Variants in CARNMT1 observed in about 807,000 individuals in gnomAD.
The protein encoded by CARNMT1 is carnosine N-methyltransferase 1.
CARNMT1 carries 28 observed loss-of-function variants against 49.6 expected under a neutral mutation model. That is an observed-to-expected ratio of 0.56 (90% CI 0.42 to 0.77). The LOEUF (loss-of-function observed/expected upper bound fraction) is 0.77. Ranked by LOEUF, CARNMT1 falls within the 30% of genes least tolerant of loss-of-function variation. The probability of loss-of-function intolerance (pLI) is 0.00; values close to 1 mark genes in which losing one functional copy is unlikely to be tolerated. For missense variants in CARNMT1, 421 were observed against 512.6 expected, an observed-to-expected ratio of 0.82 and a Z score of 1.73; for synonymous variants, 178 against 175.0, an observed-to-expected ratio of 1.02 and a Z score of -0.13.
intron 1 of CARNMT1, among the ~76,000 whole-genome samples, chr9:75,017,745 T>G (rs1256057714): frequency 6.6e-6 from 1 of 152,222 alleles, no homozygotes; most frequent in Non-Finnish European, 1.5e-5. Context: ...TATTTTTGTG[T>G]TTTAAACTTA....
At chr9:75,015,295 A>T (rs140412166) in intron 3 of CARNMT1, among the ~76,000 whole-genome samples, 1 of 152,208 alleles carries the variant, frequency 6.6e-6, no homozygotes, top group African/African-American at 2.4e-5. Flanking sequence ...CATTAGCTGA[A>T]GTTCTCAAAA....
intron 5 of CARNMT1, 39 bp from the exon 6 acceptor site, chr9:74,996,599 AT>A: frequency 8.2e-7 from 1 of 1,223,036 alleles, no homozygotes; most frequent in Non-Finnish European, 1.2e-6. Context: ...CTGTTATGTT[AT>A]TTTGCTTTTT....
At chr9:75,024,368 T>G (rs1431210374) in intron 1 of CARNMT1, among the ~76,000 whole-genome samples, 1 of 152,194 alleles carries the variant, frequency 6.6e-6, no homozygotes, top group East Asian at 1.9e-4. Flanking sequence ...CTGAGCAAGT[T>G]GCTTACCGCT....
At chr9:75,013,710 G>C (rs1298703645) in intron 3 of CARNMT1, among the ~76,000 whole-genome samples, 1 of 151,930 alleles carries the variant, frequency 6.6e-6, no homozygotes, top group Non-Finnish European at 1.5e-5. Context: ...TAATTATAAA[G>C]AAAAACAAAA....
At chr9:75,015,787 A>AAAAAT (rs1294614938) in intron 3 of CARNMT1, 11 of 149,044 alleles carry the variant, frequency 7.4e-5, no homozygotes, top group Non-Finnish European at 1.2e-4. Flanking sequence ...CTGTCTCAAA[A>AAAAAT]AAATAAATAA....
intron 6 of CARNMT1, among the ~76,000 whole-genome samples, chr9:74,994,339 G>T (rs1197360096): frequency 6.6e-6 from 1 of 152,204 alleles, no homozygotes; most frequent in Non-Finnish European, 1.5e-5. Context: ...AATAAAAGGG[G>T]TAACGAAAGG....
chr9:74,988,475 A>C (rs969050672), intron 6 of CARNMT1, among the ~76,000 whole-genome samples: 6 of 152,162 alleles, frequency 3.9e-5, no homozygotes, highest in African/African-American at 1.4e-4. Flanking sequence ...TATTTCTAGA[A>C]AATAGTTTTA....
At chr9:74,998,555 A>G (rs1833263262) in intron 5 of CARNMT1, 43 bp downstream of exon 5, 2 of 1,439,546 alleles carry the variant, frequency 1.4e-6, no homozygotes, top group East Asian at 4.8e-5. Flanking sequence ...CATTAAATTT[A>G]GAATAAAGGA....
intron 3 of CARNMT1, among the ~76,000 whole-genome samples, chr9:75,008,389 T>C (rs1019429487): frequency 6.6e-6 from 1 of 152,180 alleles, no homozygotes; most frequent in Admixed American, 6.5e-5. Context: ...TGGAGTGCAA[T>C]GGCACAATCT....
chr9:75,021,544 C>A (rs1180429187), intron 1 of CARNMT1, among the ~76,000 whole-genome samples: 1 of 150,560 alleles, frequency 6.6e-6, no homozygotes, highest in Non-Finnish European at 1.5e-5. Context: ...ATGTTCAAAG[C>A]ATGAACAATG....
intron 1 of CARNMT1, among the ~76,000 whole-genome samples, chr9:75,025,880 T>G (rs1045073503): frequency 6.6e-6 from 1 of 152,208 alleles, no homozygotes; most frequent in Non-Finnish European, 1.5e-5. Context: ...ACCTGAAATA[T>G]GGGTAGTGAA....
chr9:75,015,653 G>C (rs992659725), intron 3 of CARNMT1: 1 of 151,958 alleles, frequency 6.6e-6, no homozygotes, highest in Non-Finnish European at 1.5e-5. Context: ...AGGCGTGGTG[G>C]TGTAAGCCTG....
chr9:75,008,423 C>T (rs997625563), intron 3 of CARNMT1, among the ~76,000 whole-genome samples: 5 of 152,212 alleles, frequency 3.3e-5, no homozygotes, highest in Non-Finnish European at 5.9e-5. Context: ...CCTCTGCCTC[C>T]TGAGTTCAAG....
intron 1 of CARNMT1, among the ~76,000 whole-genome samples, chr9:75,017,855 A>G (rs1833896846): frequency 6.6e-6 from 1 of 152,206 alleles, no homozygotes; most frequent in South Asian, 2.1e-4. Context: ...CCTGAAATTA[A>G]CTAAAAGCTA....
At chr9:75,000,058 G>A (rs1035562797) in intron 3 of CARNMT1, among the ~76,000 whole-genome samples, 188 bp from the exon 4 acceptor site, 5 of 152,074 alleles carry the variant, frequency 3.3e-5, no homozygotes, top group African/African-American at 7.2e-5. Context: ...TGTATGTTCC[G>A]ATATCAGATG....
At chr9:74,994,530 C>T (rs1833129375) in intron 6 of CARNMT1, among the ~76,000 whole-genome samples, 2 of 152,024 alleles carry the variant, frequency 1.3e-5, no homozygotes, top group South Asian at 4.1e-4. Flanking sequence ...CCAAGTTGGA[C>T]ATACTGGCTT....
rs2118891548 is a variant in CARNMT1, at chr9:75,028,258, G to A, written c.-17C>T. ...TCGCTGCATCGCCGCCGCGGCCCTC[G>A]GCCTGGCTCGCTTGCGTCTCTCCGC... On this transcript the variant is annotated 5_prime_UTR_variant, in exon 1 of 8. Transcript: ENST00000376834. The A allele has an allele frequency of 3.7e-6, 5 of 1,361,994 alleles. No individual in the cohort carries two copies. Among genetic ancestry groups the A allele is most frequent in the Middle Eastern group, 5.3e-4 (2 of 3,762 alleles). 84.4% of individuals were successfully genotyped at this position (1,361,994 alleles called of 1,614,324 possible).
At chr9:75,011,103 T>C (rs1349987533) in intron 3 of CARNMT1, among the ~76,000 whole-genome samples, 6 of 151,982 alleles carry the variant, frequency 3.9e-5, no homozygotes, top group African/African-American at 4.8e-5. Flanking sequence ...ATTAAGACTA[T>C]GCCAACATAT....
At chr9:74,999,509 TAA>T (rs1287272811) in intron 4 of CARNMT1, among the ~76,000 whole-genome samples, 1 of 152,170 alleles carries the variant, frequency 6.6e-6, no homozygotes, top group South Asian at 2.1e-4. Context: ...TCACTTTCTA[TAA>T]AGTCACTTAC....
Sources: gnomAD v4.1 joint callset for allele counts (sites outside exome capture counted in the v4.1 genomes callset) on GRCh38, gnomAD v4.1.1 for gene constraint, MANE v1.5 for transcripts, NCBI Gene and HGNC (gene_info 2026-07-23, HGNC 2026-07-21) for gene names.